Variants in CTNND2 observed in about 807,000 individuals in gnomAD.
CTNND2 encodes the protein catenin delta-2.
Under a neutral mutation model 144.4 loss-of-function variants are expected in CTNND2, and 22 were observed. The ratio of observed to expected loss-of-function variants is 0.15; its 90% CI spans 0.11 to 0.22. The LOEUF (loss-of-function observed/expected upper bound fraction) is 0.22. Ranked by LOEUF, CTNND2 falls within the 10% of genes least tolerant of loss-of-function variation. The pLI is 1.00. For synonymous variants in CTNND2, 751 were observed against 695.6 expected (o/e 1.08, Z -1.25); for missense variants, 1,353 against 1,618.8 (o/e 0.84, Z 2.82).
intron 12 of CTNND2, among the ~76,000 whole-genome samples, chr5:11,146,729 C>A (rs937906197): frequency 1.3e-5 from 2 of 152,074 alleles, no homozygotes; most frequent in African/African-American, 2.4e-5. Context: ...ATCGTGAGGA[C>A]AAAATGTACT....
intron 2 of CTNND2, among the ~76,000 whole-genome samples, chr5:11,571,651 T>C (rs544335744): frequency 6.6e-6 from 1 of 152,208 alleles, no homozygotes; most frequent in East Asian, 1.9e-4. Context: ...ACCACTATAC[T>C]TCATGCCCCA....
At chr5:11,451,865 T>C (rs1765343003) in intron 3 of CTNND2, among the ~76,000 whole-genome samples, 1 of 152,182 alleles carries the variant, frequency 6.6e-6, no homozygotes, top group African/African-American at 2.4e-5. Context: ...TAAAAAACAA[T>C]AAATGTAGTG....
chr5:11,555,772 A>G (rs1776182161), intron 3 of CTNND2, among the ~76,000 whole-genome samples: 2 of 152,174 alleles, frequency 1.3e-5, no homozygotes, highest in Non-Finnish European at 2.9e-5. Flanking sequence ...AATGATTCAT[A>G]AGGAGATTTT....
intron 3 of CTNND2, among the ~76,000 whole-genome samples, chr5:11,502,322 A>G: frequency 6.6e-6 from 1 of 152,104 alleles, no homozygotes; most frequent in African/African-American, 2.4e-5. Flanking sequence ...GGATGTACAA[A>G]CTGTTACCTT....
At chr5:11,847,003 G>C (rs1581994758) in intron 1 of CTNND2, among the ~76,000 whole-genome samples, 1 of 151,536 alleles carries the variant, frequency 6.6e-6, no homozygotes, top group East Asian at 1.9e-4. Context: ...ATGTAAATTA[G>C]TTCAGCTATT....
chr5:11,259,848 G>C (rs1744679090), intron 9 of CTNND2, among the ~76,000 whole-genome samples: 1 of 152,160 alleles, frequency 6.6e-6, no homozygotes, highest in African/African-American at 2.4e-5. Flanking sequence ...AGTCAGCCTG[G>C]AATGGATTTA....
intron 16 of CTNND2, among the ~76,000 whole-genome samples, chr5:11,030,652 T>C (rs190731292): frequency 1.3e-5 from 2 of 152,004 alleles, no homozygotes; most frequent in Admixed American, 1.3e-4. Context: ...TTCTTGACTC[T>C]CTTCATATCT....
At chr5:11,759,643 C>T (rs1299835527) in intron 1 of CTNND2, among the ~76,000 whole-genome samples, 1 of 152,022 alleles carries the variant, frequency 6.6e-6, no homozygotes, top group African/African-American at 2.4e-5. Flanking sequence ...TAAAGATTAT[C>T]TATACATGGA....
intron 18 of CTNND2, among the ~76,000 whole-genome samples, chr5:11,003,856 T>C (rs1460416773): frequency 1.3e-5 from 2 of 152,260 alleles, no homozygotes; most frequent in African/African-American, 4.8e-5. Context: ...TTGTTTCAGC[T>C]CTGTTGCTTC....
Position 11,275,265 on chromosome 5 carries a change from T to C in CTNND2, c.1629-38442A>G, listed in dbSNP as rs144945668. Among the ~76,000 whole-genome samples, 825 of 152,198 alleles carry C rather than the reference T, an allele frequency of 5.4e-3. 5 individuals carry two copies. The highest frequency in any genetic ancestry group is 0.019 in the African/African-American group (802 of 41,534). On this transcript the variant is annotated intron_variant, in intron 9 of 21. Transcript: ENST00000304623. The stretch of plus-strand genomic sequence containing the variant: ...CACAAGTAAGTGGTCCAAGGTCACA[T>C]AGCTAACAAGCAGCAGAGGCAGGAT...
intron 9 of CTNND2, among the ~76,000 whole-genome samples, chr5:11,272,996 G>C (rs1186154495): frequency 6.6e-6 from 1 of 151,946 alleles, no homozygotes; most frequent in African/African-American, 2.4e-5. Context: ...GACCAGCTAG[G>C]CATTCTCACA....
intron 2 of CTNND2, among the ~76,000 whole-genome samples, chr5:11,684,161 G>A (rs1408319698): frequency 6.6e-6 from 1 of 151,514 alleles, no homozygotes; most frequent in African/African-American, 2.4e-5. Context: ...GAATGCAGTG[G>A]CACAATCTCG....
At chr5:11,651,765 C>T (rs940846388) in intron 2 of CTNND2, among the ~76,000 whole-genome samples, 36 of 152,218 alleles carry the variant, frequency 2.4e-4, no homozygotes, top group African/African-American at 8.4e-4. Context: ...TTCAGACTTG[C>T]ATGAGGCCTG....
At chr5:11,028,991 G>C (rs577873337) in intron 16 of CTNND2, among the ~76,000 whole-genome samples, 3 of 152,348 alleles carry the variant, frequency 2.0e-5, no homozygotes, top group African/African-American at 7.2e-5. Flanking sequence ...GTACAGGCGT[G>C]AGCCACTGCA....
At chr5:11,207,748 T>C (rs1738201961) in intron 10 of CTNND2, among the ~76,000 whole-genome samples, 1 of 152,244 alleles carries the variant, frequency 6.6e-6, no homozygotes, top group South Asian at 2.1e-4. Flanking sequence ...CTGAGCAGAC[T>C]ATTTGAACTT....
chr5:11,019,239 A>T (rs1312170034), intron 17 of CTNND2, among the ~76,000 whole-genome samples: 1 of 151,284 alleles, frequency 6.6e-6, no homozygotes, highest in Non-Finnish European at 1.5e-5. Flanking sequence ...AAGACAGAGA[A>T]TTTTAGATCC....
At chr5:11,674,716 T>TTGGTTGGTTGGTTGG (rs1784079745) in intron 2 of CTNND2, among the ~76,000 whole-genome samples, 2 of 151,002 alleles carry the variant, frequency 1.3e-5, no homozygotes, top group African/African-American at 4.9e-5. Flanking sequence ...TGTTTGTTTG[T>TTGGTTGGTTGGTTGG]TTGGTTGGTT....
chr5:11,447,512 C>G lies in CTNND2; in HGVS notation c.288-35443G>C, dbSNP rs372602840. Reference sequence around the variant, plus strand: ...AATTAAAGTAACTATTTATTTATTACCCAAATATTCAAAATAGTGAACAAT... The same window carrying G: ...AATTAAAGTAACTATTTATTTATTAGCCAAATATTCAAAATAGTGAACAAT... On this transcript the variant is annotated intron_variant, in intron 3 of 21. Transcript: ENST00000304623. Among the ~76,000 whole-genome samples, 6 of 152,228 alleles carry G rather than the reference C, an allele frequency of 3.9e-5. No homozygotes were observed. The East Asian group carries it at 7.7e-4, about 20-fold the overall frequency.
rs752704584 is a variant in CTNND2, at chr5:11,159,768, G to A, written c.1976-9C>T. 1.9e-6 allele frequency: 3 copies of A among 1,559,208 alleles called. No individual in the cohort carries two copies. Among genetic ancestry groups the A allele is most frequent in the East Asian group, 2.3e-5 (1 of 42,720 alleles). ...GAGGTTCCAAAGGACTCCTGCAAGA[G>A]ACACACAAAAAGAGGTTTTGGGTGG... On this transcript the variant is annotated splice_polypyrimidine_tract_variant and intron_variant, in intron 11 of 21. Transcript: ENST00000304623.
Sources: allele counts gnomAD v4.1 joint callset (sites outside exome capture counted in the v4.1 genomes callset), GRCh38; gene constraint gnomAD v4.1.1; transcripts MANE v1.5; gene names NCBI Gene and HGNC (gene_info 2026-07-23, HGNC 2026-07-21).